Variants in PIBF1 observed in about 807,000 individuals in gnomAD.
PIBF1 encodes progesterone-induced-blocking factor 1.
Under a neutral mutation model 112.5 loss-of-function variants are expected in PIBF1, and 90 were observed. That is an observed-to-expected ratio of 0.80 (90% CI 0.67 to 0.95). The LOEUF is 0.95. Among genes scored for constraint, PIBF1 ranks in the 40% least tolerant of loss-of-function variants. The probability of loss-of-function intolerance (pLI) is 0.00; values close to 1 mark genes in which losing one functional copy is unlikely to be tolerated. For synonymous variants in PIBF1, 301 were observed against 288.6 expected, an observed-to-expected ratio of 1.04 and a Z score of -0.44; for missense variants, 915 against 852.3, an observed-to-expected ratio of 1.07 and a Z score of -0.92.
intron 14 of PIBF1, among the ~76,000 whole-genome samples, chr13:72,940,617 A>C (rs1403425627): frequency 6.6e-6 from 1 of 151,996 alleles, no homozygotes; most frequent in African/African-American, 2.4e-5. Context: ...GTATTCCTAT[A>C]TGTTTTTGTT....
chr13:72,839,881 T>C (rs2037528094), intron 9 of PIBF1, among the ~76,000 whole-genome samples: 1 of 152,182 alleles, frequency 6.6e-6, no homozygotes, highest in African/African-American at 2.4e-5. Flanking sequence ...TCTCCTTGTC[T>C]CCAGTGTTCT....
chr13:72,944,627 A>T (rs1251578996), intron 14 of PIBF1, among the ~76,000 whole-genome samples: 18 of 151,696 alleles, frequency 1.2e-4, no homozygotes, highest in African/African-American at 4.1e-4. Flanking sequence ...TTTTTGTTTT[A>T]TTTTTTTTAA....
intron 13 of PIBF1, among the ~76,000 whole-genome samples, chr13:72,919,520 A>T (rs553212210): frequency 3.9e-4 from 59 of 152,320 alleles, no homozygotes; most frequent in African/African-American, 1.4e-3. Context: ...TCTTAGTCCA[A>T]TGTTGCCTAA....
At chr13:72,903,842 G>A (rs1312054680) in intron 11 of PIBF1, among the ~76,000 whole-genome samples, 2 of 152,148 alleles carry the variant, frequency 1.3e-5, no homozygotes, top group Non-Finnish European at 2.9e-5. Flanking sequence ...ACAGACCTAA[G>A]ATTTGAACCC....
chr13:72,824,507 A>G (rs922226026), intron 6 of PIBF1, among the ~76,000 whole-genome samples: 2 of 152,192 alleles, frequency 1.3e-5, no homozygotes, highest in African/African-American at 4.8e-5. Context: ...AAATTTTTTT[A>G]ATACATCATC....
intron 14 of PIBF1, among the ~76,000 whole-genome samples, chr13:72,942,265 T>TAA (rs35561447): frequency 0.27 from 35,758 of 134,562 alleles, 5,752 homozygotes; most frequent in East Asian, 0.47. Context: ...TTCAATGATG[T>TAA]AAAAAAAAAA....
chr13:72,929,080 C>A (rs922897692), intron 13 of PIBF1, among the ~76,000 whole-genome samples: 2 of 152,000 alleles, frequency 1.3e-5, no homozygotes, highest in African/African-American at 4.8e-5. Flanking sequence ...GAAAAATTAC[C>A]ATGTTTAAGT....
At position 72,995,811 on chromosome 13, in the gene PIBF1, G is replaced by A. The variant is rs141690617; in HGVS notation, c.2050-3011G>A. ...TTAAAAATACAAAAATTAGCTGAGC[G>A]TGGTTGTGGGTGCTTGTAATCCTAG... On this transcript the variant is annotated intron_variant, in intron 16 of 17. Coordinates refer to ENST00000326291, the MANE Select transcript of PIBF1 (RefSeq NM_006346.4). 5.4e-3 allele frequency among the ~76,000 whole-genome samples: 815 copies of A among 151,902 alleles called. 15 individuals are homozygous for A. The highest frequency in any genetic ancestry group is 0.018 in the African/African-American group (756 of 41,426).
At chr13:72,906,550 T>A (rs1485924713) in intron 11 of PIBF1, among the ~76,000 whole-genome samples, 1 of 152,156 alleles carries the variant, frequency 6.6e-6, no homozygotes, top group African/African-American at 2.4e-5. Flanking sequence ...GTAATAGGTT[T>A]ACTTATAACA....
At chr13:72,784,289 A>AT (rs1225318541) in intron 2 of PIBF1, among the ~76,000 whole-genome samples, 1 of 150,962 alleles carries the variant, frequency 6.6e-6, no homozygotes, top group African/African-American at 2.4e-5. Context: ...AAAAAAAAAA[A>AT]AAAAAAATTA....
intron 2 of PIBF1, among the ~76,000 whole-genome samples, chr13:72,790,524 T>C (rs2034864621): frequency 2.7e-5 from 3 of 112,092 alleles, no homozygotes; most frequent in Non-Finnish European, 6.5e-5. Flanking sequence ...GATAGATAGA[T>C]AGATAGATAG....
chr13:72,916,563 A>G (rs1311444827), intron 12 of PIBF1, among the ~76,000 whole-genome samples: 1 of 151,940 alleles, frequency 6.6e-6, no homozygotes, highest in Non-Finnish European at 1.5e-5. Context: ...ATTTTTTTAC[A>G]TTTAAAAAAA....
At position 72,982,623 on chromosome 13, in the gene PIBF1, T is replaced by G. The variant is rs932702904; in HGVS notation, c.2049+8948T>G. 3.3e-5 allele frequency among the ~76,000 whole-genome samples: 5 copies of G among 152,268 alleles called. No individual in the cohort carries two copies. The East Asian group carries it at 9.6e-4, about 29-fold the overall frequency. ...TAGATTGACAAATTCCTTTTTGTAC[T>G]TTAGCCTTTAGCACAATATTTAGCA... On this transcript the variant is annotated intron_variant, in intron 16 of 17. Coordinates refer to ENST00000326291, the MANE Select transcript of PIBF1 (RefSeq NM_006346.4).
chr13:73,003,667 A>G (rs2043944862), intron 17 of PIBF1, among the ~76,000 whole-genome samples: 1 of 152,142 alleles, frequency 6.6e-6, no homozygotes, highest in African/African-American at 2.4e-5. Flanking sequence ...CTATAGGATC[A>G]AGCTTAGTAA....
At chr13:72,836,525 C>G (rs1239681643) in intron 9 of PIBF1, among the ~76,000 whole-genome samples, 1 of 152,030 alleles carries the variant, frequency 6.6e-6, no homozygotes, top group African/African-American at 2.4e-5. Context: ...TATAAGTTAG[C>G]CACTACTATA....
At chr13:72,833,137 C>G (rs1460005139) in intron 8 of PIBF1, among the ~76,000 whole-genome samples, 1 of 152,170 alleles carries the variant, frequency 6.6e-6, no homozygotes, top group African/African-American at 2.4e-5. Flanking sequence ...ATATTCTTCT[C>G]TACACTGGTT....
In PIBF1 at chr13:72,783,465, T is replaced by C; in HGVS notation, c.-5T>C. 6.4e-7 allele frequency: 1 copy of C among 1,572,766 alleles called. No homozygotes were observed. Among genetic ancestry groups the C allele is most frequent in the Non-Finnish European group, 8.7e-7 (1 of 1,149,772 alleles). The stretch of plus-strand genomic sequence containing the variant: ...AGAGAAGAAAACTGATCCATAATAA[T>C]AAAAATGTCTCGAAAAATTTCAAAG... On this transcript the variant is annotated 5_prime_UTR_variant, in exon 2 of 18. Transcript: ENST00000326291.
intron 14 of PIBF1, among the ~76,000 whole-genome samples, chr13:72,939,077 A>G (rs1435948962): frequency 2.6e-5 from 4 of 152,170 alleles, no homozygotes; most frequent in African/African-American, 7.2e-5. Context: ...CCTTTATCCA[A>G]TACATGATTT....
intron 13 of PIBF1, among the ~76,000 whole-genome samples, chr13:72,917,386 T>A (rs993850056): frequency 2.0e-5 from 3 of 152,148 alleles, no homozygotes; most frequent in African/African-American, 7.2e-5. Context: ...TTATGTAGAA[T>A]TAGATTCGAT....
Sources: allele counts gnomAD v4.1 joint callset (sites outside exome capture counted in the v4.1 genomes callset), GRCh38; gene constraint gnomAD v4.1.1; transcripts MANE v1.5; gene names NCBI Gene and HGNC (gene_info 2026-07-23, HGNC 2026-07-21).